The following ZNF804B variants were observed in gnomAD, a reference collection of about 807,000 sequenced individuals.
The protein encoded by ZNF804B is zinc finger protein 804B.
Under a neutral mutation model 101.4 loss-of-function variants are expected in ZNF804B, and 80 were observed. That is an observed-to-expected ratio of 0.79 (90% CI 0.66 to 0.95). The LOEUF (loss-of-function observed/expected upper bound fraction) is 0.95. ZNF804B is among the 40% of genes least tolerant of loss of function. The pLI is 0.00. For missense variants in ZNF804B, 1,673 were observed against 1,561.9 expected (o/e 1.07, Z -1.20); for synonymous variants, 622 against 558.8 (o/e 1.11, Z -1.59).
Position 89,334,391 on chromosome 7 carries a change from G to A in ZNF804B, c.1409G>A (p.Cys470Tyr). Residue 470 changes from cysteine to tyrosine, a missense_variant, in exon 4 of 4, where the codon TGT (cysteine) becomes TAT (tyrosine). Physicochemically the swap from Cys to Tyr is radical, Grantham distance 194. Coordinates refer to ENST00000333190, the MANE Select transcript of ZNF804B (RefSeq NM_181646.5). ...ELLLFTKTEP[C>Y]ISYGCNPLYF... ...CTGCTCTTTACAAAAACAGAACCCTGTATCTCTTATGGCTGCAACCCACTG... is the reference window on the plus strand; with the variant it reads ...CTGCTCTTTACAAAAACAGAACCCTATATCTCTTATGGCTGCAACCCACTG... The A allele has an allele frequency of 1.2e-6, 2 of 1,613,716 alleles. No individual in the cohort carries two copies. Among genetic ancestry groups the A allele is most frequent in the Non-Finnish European group, 1.7e-6 (2 of 1,179,828 alleles).
chr7:89,285,898 C>A (rs1790189837), intron 2 of ZNF804B, among the ~76,000 whole-genome samples: 1 of 142,972 alleles, frequency 7.0e-6, no homozygotes, highest in Admixed American at 6.7e-5. Context: ...CACCCTGAGA[C>A]AGCAATACCA....
At chr7:89,190,954 T>C (rs1050686284) in intron 1 of ZNF804B, among the ~76,000 whole-genome samples, 1 of 152,168 alleles carries the variant, frequency 6.6e-6, no homozygotes, top group Non-Finnish European at 1.5e-5. Context: ...TAAATAGAAC[T>C]TTTATGTGCA....
At chr7:89,222,809 G>T (rs1013768515) in intron 2 of ZNF804B, among the ~76,000 whole-genome samples, 2 of 151,754 alleles carry the variant, frequency 1.3e-5, no homozygotes, top group African/African-American at 4.8e-5. Context: ...AATACCTTTT[G>T]CTTGAAATCT....
intron 1 of ZNF804B, among the ~76,000 whole-genome samples, chr7:88,764,798 A>G (rs909828077): frequency 6.6e-6 from 1 of 152,160 alleles, no homozygotes; most frequent in Non-Finnish European, 1.5e-5. Context: ...GCAAAATATA[A>G]TTATGAAGAC....
At chr7:89,164,596 T>G (rs758017168) in intron 1 of ZNF804B, among the ~76,000 whole-genome samples, 5 of 152,146 alleles carry the variant, frequency 3.3e-5, no homozygotes, top group Non-Finnish European at 5.9e-5. Context: ...TTGATGATAA[T>G]GTTACTTACT....
chr7:89,141,581 A>G lies in ZNF804B; in HGVS notation c.109-76574A>G, dbSNP rs147835467. Among the ~76,000 whole-genome samples the G allele has an allele frequency of 1.8e-3, 268 of 152,104 alleles. 1 individual carries two copies. The highest frequency in any genetic ancestry group is 6.0e-3 in the African/African-American group (249 of 41,530). On this transcript the variant is annotated intron_variant, in intron 1 of 3. Transcript: ENST00000333190. ...AATTCTTTTGGGAATATGCCTAGAC[A>G]TGGTATTGCTGGATTACATGGTAAT...
intron 1 of ZNF804B, among the ~76,000 whole-genome samples, chr7:89,199,701 A>T (rs939090416): frequency 6.6e-6 from 1 of 151,830 alleles, no homozygotes; most frequent in African/African-American, 2.4e-5. Context: ...TTCATTTTTA[A>T]TAACTAGTTT....
At chr7:89,243,257 A>T (rs1161999365) in intron 2 of ZNF804B, among the ~76,000 whole-genome samples, 1 of 151,088 alleles carries the variant, frequency 6.6e-6, no homozygotes, top group East Asian at 1.9e-4. Context: ...CAAATAAGAA[A>T]ATTAGTCATT....
chr7:88,774,559 A>G (rs961857387), intron 1 of ZNF804B, among the ~76,000 whole-genome samples: 3 of 152,192 alleles, frequency 2.0e-5, no homozygotes, highest in Non-Finnish European at 4.4e-5. Context: ...CAGACATTTC[A>G]ATTTAGATGC....
chr7:88,812,446 A>G (rs1244724355), intron 1 of ZNF804B, among the ~76,000 whole-genome samples: 9 of 152,162 alleles, frequency 5.9e-5, no homozygotes, highest in Admixed American at 5.9e-4. Context: ...ACCATGGAAA[A>G]CTGTATGGAG....
chr7:89,109,330 A>C (rs1790180108), intron 1 of ZNF804B, among the ~76,000 whole-genome samples: 1 of 152,326 alleles, frequency 6.6e-6, no homozygotes, highest in South Asian at 2.1e-4. Context: ...TTGAAGAGTT[A>C]TGAGAATAGC....
At chr7:88,988,030 A>C (rs1197863457) in intron 1 of ZNF804B, among the ~76,000 whole-genome samples, 1 of 151,848 alleles carries the variant, frequency 6.6e-6, no homozygotes, top group Non-Finnish European at 1.5e-5. Flanking sequence ...TACATCCATA[A>C]AATAATTTTC....
chr7:89,155,106 T>C (rs1007559224), intron 1 of ZNF804B, among the ~76,000 whole-genome samples: 1 of 152,142 alleles, frequency 6.6e-6, no homozygotes, highest in Non-Finnish European at 1.5e-5. Flanking sequence ...TCTTCTAGAG[T>C]CACCGGCTCC....
intron 1 of ZNF804B, among the ~76,000 whole-genome samples, chr7:88,921,641 C>T (rs1792720888): frequency 6.6e-6 from 1 of 152,010 alleles, no homozygotes; most frequent in African/African-American, 2.4e-5. Context: ...TCATTTGCTT[C>T]CCGTGAGAAT....
chr7:89,259,776 A>T (rs1789684070), intron 2 of ZNF804B, among the ~76,000 whole-genome samples: 1 of 152,098 alleles, frequency 6.6e-6, no homozygotes, highest in Non-Finnish European at 1.5e-5. Context: ...TGAAGTCAGG[A>T]ATTCAAGACC....
intron 1 of ZNF804B, among the ~76,000 whole-genome samples, chr7:89,216,002 AAAAT>A (rs1026066630): frequency 4.6e-4 from 70 of 152,190 alleles, no homozygotes; most frequent in Non-Finnish European, 7.2e-4. Flanking sequence ...AAGGACATGA[AAAAT>A]AAATAAATAA....
chr7:88,970,613 A>C (rs1359159928), intron 1 of ZNF804B, among the ~76,000 whole-genome samples: 1 of 151,344 alleles, frequency 6.6e-6, no homozygotes, highest in African/African-American at 2.4e-5. Context: ...CAGGGTTGGG[A>C]AACTGTAGCC....
Position 89,086,568 on chromosome 7 carries a change from A to G in ZNF804B, c.109-131587A>G, listed in dbSNP as rs540806997. Among the ~76,000 whole-genome samples the G allele has an allele frequency of 1.6e-4, 24 of 152,096 alleles. No individual in the cohort carries two copies. In the East Asian group the frequency reaches 4.2e-3, roughly 27 times the overall value. ...AACTGCAAACATTTGTGGGAAAGAGACAAGATAGAATATCTGGCCTTTTTA... is the reference window on the plus strand; with the variant it reads ...AACTGCAAACATTTGTGGGAAAGAGGCAAGATAGAATATCTGGCCTTTTTA... On this transcript the variant is annotated intron_variant, in intron 1 of 3. Transcript: ENST00000333190.
In ZNF804B at chr7:89,274,779, A is replaced by G. The variant is rs143830517; in HGVS notation, c.250-52565A>G. Among the ~76,000 whole-genome samples, 263 of 151,838 alleles carry G rather than the reference A, an allele frequency of 1.7e-3. 8 individuals are homozygous for G. Among genetic ancestry groups the G allele is most frequent in the African/African-American group, 6.0e-3 (249 of 41,210 alleles). On this transcript the variant is annotated intron_variant, in intron 2 of 3. Coordinates refer to ENST00000333190, the MANE Select transcript of ZNF804B (RefSeq NM_181646.5). The stretch of plus-strand genomic sequence containing the variant: ...TTCTTCCCTTCTCATTTACTTATTC[A>G]GGTTTCCCTTGTAGGACATCACTCT...
Sources: allele counts gnomAD v4.1 joint callset (sites outside exome capture counted in the v4.1 genomes callset), GRCh38; gene constraint gnomAD v4.1.1; transcripts MANE v1.5; gene names NCBI Gene and HGNC (gene_info 2026-07-23, HGNC 2026-07-21).